LRP1B: variants seen among roughly 807,000 people sequenced by gnomAD.
The protein encoded by LRP1B is low-density lipoprotein receptor-related protein 1B.
A neutral mutation model predicts 556.6 loss-of-function variants in LRP1B; 217 were observed. The observed-to-expected ratio is 0.39, with a 90% CI of 0.35 to 0.44. The LOEUF is 0.44. LRP1B is among the 20% of genes least tolerant of loss of function. The pLI is 1.00. For missense variants in LRP1B, 5,053 were observed against 5,620.8 expected, an observed-to-expected ratio of 0.90 and a Z score of 3.23; for synonymous variants, 2,047 against 1,865.8, an observed-to-expected ratio of 1.10 and a Z score of -2.50.
intron 7 of LRP1B, among the ~76,000 whole-genome samples, chr2:141,124,664 G>GAAAAAAAAAAAA (rs570765407): frequency 1.2e-4 from 9 of 73,638 alleles, no homozygotes; most frequent in African/African-American, 2.0e-4. Flanking sequence ...AGTGACAAAT[G>GAAAAAAAAAAAA]AAAAAAAAAA....
At chr2:141,380,555 T>C (rs1689599566) in intron 3 of LRP1B, among the ~76,000 whole-genome samples, 1 of 152,168 alleles carries the variant, frequency 6.6e-6, no homozygotes, top group African/African-American at 2.4e-5. Flanking sequence ...GTAACAGCTG[T>C]TCTGAGAGCT....
intron 2 of LRP1B, among the ~76,000 whole-genome samples, chr2:141,746,169 G>A (rs1401142569): frequency 1.3e-5 from 2 of 151,988 alleles, no homozygotes; most frequent in Admixed American, 6.6e-5. Flanking sequence ...AGTAGGTAGC[G>A]TGCCCCCAAG....
intron 3 of LRP1B, among the ~76,000 whole-genome samples, chr2:141,274,187 T>G (rs1018007954): frequency 6.6e-6 from 1 of 152,208 alleles, no homozygotes; most frequent in Non-Finnish European, 1.5e-5. Flanking sequence ...AGTCACTGTA[T>G]GTCCCAACAA....
chr2:140,431,536 C>T (rs895748265), intron 66 of LRP1B, among the ~76,000 whole-genome samples: 4 of 152,182 alleles, frequency 2.6e-5, no homozygotes, highest in African/African-American at 7.2e-5. Context: ...CAAGCCATCA[C>T]AGCTGATATA....
intron 2 of LRP1B, among the ~76,000 whole-genome samples, chr2:141,746,476 C>T (rs1055677172): frequency 2.6e-5 from 4 of 152,046 alleles, no homozygotes; most frequent in Non-Finnish European, 5.9e-5. Context: ...CTGTCCCTCT[C>T]CCTAGCACAC....
intron 2 of LRP1B, among the ~76,000 whole-genome samples, chr2:141,644,916 T>C (rs1689496753): frequency 6.6e-6 from 1 of 152,038 alleles, no homozygotes; most frequent in African/African-American, 2.4e-5. Context: ...GTATTAATTA[T>C]AACAAAGTGC....
rs1558810771 is a variant in LRP1B at position 140,335,366 on chromosome 2, CACAGACACACAT to C, written c.12116+237_12116+248del. On this transcript the variant is annotated intron_variant, in intron 78 of 90. Coordinates refer to ENST00000389484, the MANE Select transcript of LRP1B (RefSeq NM_018557.3). ...TCTGCAATACACACATATAACCATG[CACAGACACACAT>C]ACAGACACACAGGCATACTGAATGC... Among the ~76,000 whole-genome samples the C allele has an allele frequency of 3.3e-5, 5 of 151,870 alleles. No individual in the cohort carries two copies. In the East Asian group the frequency reaches 5.9e-4, roughly 18 times the overall value.
chr2:141,049,901 A>G (rs1314512379), intron 10 of LRP1B, among the ~76,000 whole-genome samples: 2 of 152,100 alleles, frequency 1.3e-5, no homozygotes, highest in South Asian at 2.1e-4. Context: ...GAAAACCCCA[A>G]GCAAAAAACT....
chr2:140,421,324 A>G (rs1685433567), intron 66 of LRP1B, among the ~76,000 whole-genome samples: 1 of 152,208 alleles, frequency 6.6e-6, no homozygotes, highest in Non-Finnish European at 1.5e-5. Context: ...AAAGTTGTTA[A>G]AAGAATGCAT....
At chr2:140,383,064 G>A (rs915285059) in intron 67 of LRP1B, among the ~76,000 whole-genome samples, 11 of 152,212 alleles carry the variant, frequency 7.2e-5, no homozygotes, top group East Asian at 1.9e-4. Flanking sequence ...ACTTGATGTC[G>A]TTCACACAAT....
At chr2:141,938,758 ATGTG>A (rs70994468) in intron 1 of LRP1B, among the ~76,000 whole-genome samples, 108 of 151,562 alleles carry the variant, frequency 7.1e-4, no homozygotes, top group African/African-American at 2.3e-3. Context: ...CTCTCCATAT[ATGTG>A]TGTGTGTGTG....
chr2:141,358,117 A>T lies in LRP1B; in HGVS notation c.344-103476T>A, dbSNP rs544293318. Among the ~76,000 whole-genome samples the T allele has an allele frequency of 2.6e-5, 4 of 152,336 alleles. No individual in the cohort carries two copies. The South Asian group carries it at 8.3e-4, about 32-fold the overall frequency. On this transcript the variant is annotated intron_variant, in intron 3 of 90. Transcript: ENST00000389484. ...AAGCAAATTTATGTCACTTAAAATG[A>T]ATATTAAGTTAGAGAAATGGCAAAT...
intron 49 of LRP1B, among the ~76,000 whole-genome samples, chr2:140,520,459 G>T (rs1318769522): frequency 6.6e-6 from 1 of 152,010 alleles, no homozygotes; most frequent in Non-Finnish European, 1.5e-5. Context: ...CTGTTTTGGG[G>T]TTGGGGGATG....
chr2:140,307,026 T>A (rs1573765103), intron 83 of LRP1B, among the ~76,000 whole-genome samples: 1 of 152,068 alleles, frequency 6.6e-6, no homozygotes, highest in Admixed American at 6.6e-5. Context: ...TAGAGTTTTT[T>A]AAATTTCACT....
intron 1 of LRP1B, among the ~76,000 whole-genome samples, chr2:142,016,926 ATG>A (rs1395240673): frequency 3.3e-5 from 5 of 150,274 alleles, no homozygotes; most frequent in Admixed American, 2.0e-4. Context: ...ATGTATATGT[ATG>A]TATATATGTA....
In LRP1B at chr2:140,252,779, A is replaced by G. The variant is rs1171527960; in HGVS notation, c.13248-5617T>C. Among the ~76,000 whole-genome samples, 8 of 152,182 alleles carry G rather than the reference A, an allele frequency of 5.3e-5. No homozygotes were observed. The East Asian group carries it at 7.7e-4, about 15-fold the overall frequency. On this transcript the variant is annotated intron_variant, in intron 86 of 90. Transcript: ENST00000389484. ...CCCTGTCTGCGACAGTGAGGGACAT[A>G]TTAATCTTCTTGAAATCAACATCAC... is the stretch of plus-strand genomic sequence containing the variant.
At chr2:141,727,666 T>G (rs1235763136) in intron 2 of LRP1B, among the ~76,000 whole-genome samples, 3 of 152,140 alleles carry the variant, frequency 2.0e-5, no homozygotes, top group African/African-American at 4.8e-5. Flanking sequence ...CCAAGTCTAA[T>G]AGATGACCCT....
In LRP1B at chr2:142,130,726, A is replaced by G. The variant is rs1707819705; in HGVS notation, c.4T>C (p.Ser2Pro). The G allele has an allele frequency of 1.9e-6, 3 of 1,611,250 alleles. No individual in the cohort carries two copies. Among genetic ancestry groups the G allele is most frequent in the Admixed American group, 1.7e-5 (1 of 59,834 alleles). The part of the protein sequence containing the change: M[S>P]EFLLALLTLS... ...GTGAGTAAGGCGAGGAGAAACTCGG[A>G]CATTGTGGTCGCCCGGTAAGGAAGC... The change falls in exon 1 of 91, where the codon TCC (serine) becomes CCC (proline). Residue 2 changes from serine to proline, a missense_variant. By Grantham distance (74) the Ser-to-Pro change is moderately conservative (BLOSUM62 -1). Transcript: ENST00000389484.
intron 66 of LRP1B, among the ~76,000 whole-genome samples, chr2:140,432,183 C>A (rs762602421): frequency 6.6e-5 from 10 of 152,170 alleles, no homozygotes; most frequent in Non-Finnish European, 1.3e-4. Flanking sequence ...CAAAAACTCC[C>A]CTACTGAGCA....
Sources: gnomAD v4.1 joint callset for allele counts (sites outside exome capture counted in the v4.1 genomes callset) on GRCh38, gnomAD v4.1.1 for gene constraint, MANE v1.5 for transcripts, NCBI Gene and HGNC (gene_info 2026-07-23, HGNC 2026-07-21) for gene names.